The following FRYL variants were observed in gnomAD, a reference collection of about 807,000 sequenced individuals.
The protein encoded by FRYL is FRY like transcription coactivator.
In FRYL, 150 loss-of-function variants were observed where a neutral mutation model predicts 351.2. The ratio of observed to expected loss-of-function variants is 0.43; its 90% CI spans 0.37 to 0.49. FRYL has a LOEUF of 0.49. Among genes scored for constraint, FRYL ranks in the 20% least tolerant of loss-of-function variants. The pLI is 0.00. For missense variants in FRYL, 3,036 were observed against 3,619.3 expected, an observed-to-expected ratio of 0.84 and a Z score of 4.13; for synonymous variants, 1,153 against 1,257.1, an observed-to-expected ratio of 0.92 and a Z score of 1.75.
At chr4:48,619,543 TCGTTCTG>T (rs1750234735) in intron 6 of FRYL, among the ~76,000 whole-genome samples, 173 bp from the exon 7 acceptor site, 1 of 152,226 alleles carries the variant, frequency 6.6e-6, no homozygotes, top group Non-Finnish European at 1.5e-5. Flanking sequence ...AGACAGGGTC[TCGTTCTG>T]TCACCCAGGC....
At chr4:48,590,943 T>G in intron 16 of FRYL, 113 bp from the exon 17 acceptor site, 2 of 715,704 alleles carry the variant, frequency 2.8e-6, no homozygotes, top group Non-Finnish European at 4.6e-6. Flanking sequence ...GGAAGGAAGA[T>G]AGAAGGAACA....
At chr4:48,580,553 T>C (rs2149157252) in intron 22 of FRYL, 1 of 305,750 alleles carries the variant, frequency 3.3e-6, no homozygotes, top group Non-Finnish European at 5.9e-6. Context: ...ATCTCACGAA[T>C]ATTATATGCC....
At chr4:48,593,116 GA>G (rs1560676480) in intron 16 of FRYL, among the ~76,000 whole-genome samples, 2 of 151,892 alleles carry the variant, frequency 1.3e-5, no homozygotes, top group African/African-American at 4.8e-5. Flanking sequence ...TTTTAATGTT[GA>G]TTTTTTTTGG....
At chr4:48,527,709 G>A (rs988112544) in intron 52 of FRYL, 56 bp from the exon 53 acceptor site, 50 of 1,524,260 alleles carry the variant, frequency 3.3e-5, no homozygotes, top group East Asian at 2.7e-4. Flanking sequence ...GTCACTCTGC[G>A]TATGAGGTAT....
At chr4:48,545,131 G>C (rs1731054337) in intron 42 of FRYL, among the ~76,000 whole-genome samples, 1 of 152,216 alleles carries the variant, frequency 6.6e-6, no homozygotes, top group African/African-American at 2.4e-5. Flanking sequence ...CTCAGACGTA[G>C]TAGAAAAAGA....
At chr4:48,673,149 G>A (rs1395746942) in intron 3 of FRYL, among the ~76,000 whole-genome samples, 3 of 152,052 alleles carry the variant, frequency 2.0e-5, no homozygotes, top group Non-Finnish European at 4.4e-5. Context: ...AATACAATAT[G>A]TGTCTCTTGT....
At chr4:48,661,279 T>C (rs1243183058) in intron 3 of FRYL, among the ~76,000 whole-genome samples, 1 of 152,180 alleles carries the variant, frequency 6.6e-6, no homozygotes, top group Non-Finnish European at 1.5e-5. Context: ...TCTCCTACCA[T>C]AAATAATTAC....
At chr4:48,754,394 C>A (rs761622168) in intron 1 of FRYL, among the ~76,000 whole-genome samples, 6 of 152,124 alleles carry the variant, frequency 3.9e-5, no homozygotes, top group African/African-American at 1.2e-4. Context: ...AGCTGATGGA[C>A]ATTTGGGTTG....
Position 48,570,820 on chromosome 4 carries a change from T to C in FRYL, c.2996+7A>G, listed in dbSNP as rs150639360. 1.3e-4 allele frequency: 210 copies of C among 1,593,192 alleles called. No homozygotes were observed. In the African/African-American group the frequency reaches 1.8e-3, roughly 14 times the overall value. On this transcript the variant is annotated splice_region_variant and intron_variant, in intron 27 of 63. Coordinates refer to ENST00000358350, the MANE Select transcript of FRYL (RefSeq NM_015030.2). ...CAGAGTTTTAACAATGTGAATCCAA[T>C]ACTGACCTGTGACTAATGACACCAG...
intron 15 of FRYL, among the ~76,000 whole-genome samples, chr4:48,594,649 A>T (rs1744228553): frequency 6.6e-6 from 1 of 152,236 alleles, no homozygotes; most frequent in Admixed American, 6.5e-5. Context: ...GTAAATAACA[A>T]TGTACTAATT....
At chr4:48,550,760 T>G (rs1399382144) in intron 37 of FRYL, 56 bp from the exon 38 acceptor site, 2 of 1,201,478 alleles carry the variant, frequency 1.7e-6, no homozygotes, top group African/African-American at 3.0e-5. Context: ...GTATTTATAC[T>G]TTATGTTTCA....
At chr4:48,610,847 C>T (rs1216263712) in intron 7 of FRYL, among the ~76,000 whole-genome samples, 2 of 149,014 alleles carry the variant, frequency 1.3e-5, no homozygotes, top group Admixed American at 6.7e-5. Context: ...CATATATACA[C>T]TCAATATGTA....
intron 1 of FRYL, among the ~76,000 whole-genome samples, chr4:48,730,203 C>T (rs114923405): frequency 0.06 from 9,128 of 152,046 alleles, 378 homozygotes; most frequent in Non-Finnish European, 0.091. Flanking sequence ...TGAAAAGAAA[C>T]GAACAAAACC....
intron 3 of FRYL, among the ~76,000 whole-genome samples, chr4:48,673,117 C>T (rs1762986638): frequency 1.3e-5 from 2 of 152,166 alleles, no homozygotes; most frequent in Non-Finnish European, 2.9e-5. Flanking sequence ...AAGCCATTAA[C>T]ACTTTGTAAT....
intron 1 of FRYL, among the ~76,000 whole-genome samples, chr4:48,728,669 A>C (rs1770348932): frequency 1.3e-5 from 2 of 152,232 alleles, no homozygotes; most frequent in African/African-American, 4.8e-5. Context: ...AGATAAAAAC[A>C]CCATACCTAT....
At chr4:48,610,223 G>C (rs1399373742) in intron 7 of FRYL, among the ~76,000 whole-genome samples, 1 of 151,974 alleles carries the variant, frequency 6.6e-6, no homozygotes, top group African/African-American at 2.4e-5. Context: ...TCATGAAAAT[G>C]GTCACAAGGG....
intron 1 of FRYL, among the ~76,000 whole-genome samples, chr4:48,716,231 T>C (rs866698802): frequency 6.6e-6 from 1 of 151,196 alleles, no homozygotes; most frequent in African/African-American, 2.4e-5. Flanking sequence ...ACTTCATGCC[T>C]AAAACACCAA....
At chr4:48,511,116 C>G (rs1227507367) in intron 57 of FRYL, 132 bp from the exon 58 acceptor site, 41 of 530,914 alleles carry the variant, frequency 7.7e-5, no homozygotes. Context: ...AATCATTGAT[C>G]TATAAATCCA....
Position 48,499,293 on chromosome 4 carries a change from G to T in FRYL, c.*129C>A. On this transcript the variant is annotated 3_prime_UTR_variant, in exon 64 of 64. Transcript: ENST00000358350. ...ATCTTTGTTTTTGATGATACAGTTT[G>T]ACATTAGTTACACTAAAAAGTAGAT... 2 of 748,800 alleles carry T rather than the reference G, an allele frequency of 2.7e-6. No individual in the cohort carries two copies. Among genetic ancestry groups the T allele is most frequent in the Non-Finnish European group, 4.4e-6 (2 of 449,592 alleles). 46.4% of individuals were successfully genotyped at this position (748,800 alleles called of 1,614,324 possible). A position where few individuals can be genotyped will look rare whatever the true frequency, so the allele number is the denominator to read the frequency against.
Sources: allele counts gnomAD v4.1 joint callset (sites outside exome capture counted in the v4.1 genomes callset), GRCh38; gene constraint gnomAD v4.1.1; transcripts MANE v1.5; gene names NCBI Gene and HGNC (gene_info 2026-07-23, HGNC 2026-07-21).